ADCY3: variants seen among roughly 807,000 people sequenced by gnomAD.
ADCY3 encodes adenylate cyclase 3.
A neutral mutation model predicts 119.4 loss-of-function variants in ADCY3; 70 were observed. The observed-to-expected ratio is 0.59, with a 90% CI of 0.48 to 0.72. ADCY3 has a LOEUF of 0.72. Ranked by LOEUF, ADCY3 falls within the 30% of genes least tolerant of loss-of-function variation. The pLI is 0.00. For synonymous variants in ADCY3, 672 were observed against 621.4 expected, an observed-to-expected ratio of 1.08 and a Z score of -1.21; for missense variants, 1,238 against 1,541.6, an observed-to-expected ratio of 0.80 and a Z score of 3.30.
chr2:24,910,661 C>CTTTTTTTTTTTTTTT (rs59644324), intron 2 of ADCY3, among the ~76,000 whole-genome samples: 2 of 131,456 alleles, frequency 1.5e-5, no homozygotes, highest in Admixed American at 7.4e-5. Context: ...CTTTTCTTTT[C>CTTTTTTTTTTTTTTT]TTTTTTTTTT....
At chr2:24,915,197 A>C (rs1175633665) in intron 2 of ADCY3, among the ~76,000 whole-genome samples, 1 of 152,198 alleles carries the variant, frequency 6.6e-6, no homozygotes, top group Non-Finnish European at 1.5e-5. Context: ...GTCTATTTCG[A>C]ACTGGGAAAC....
intron 2 of ADCY3, among the ~76,000 whole-genome samples, chr2:24,907,875 TC>T (rs1350182815): frequency 6.6e-6 from 1 of 151,272 alleles, no homozygotes; most frequent in Admixed American, 6.6e-5. Flanking sequence ...GCTCCTGTAA[TC>T]CCAGCTACTT....
At position 24,918,048 on chromosome 2, in the gene ADCY3, G is replaced by A. The variant is rs1218185820; in HGVS notation, c.675+265C>T. ...AGACCAGCCCTGGGTGGGCCTTCCT[G>A]TCACACACTTAGACTGGGCACAGGT... On this transcript the variant is annotated intron_variant, in intron 2 of 21. Transcript: ENST00000679454. The surrounding 1 kb of genome is among the most constrained non-coding windows in gnomAD (Gnocchi z 5.4). Among the ~76,000 whole-genome samples the A allele has an allele frequency of 1.3e-5, 2 of 152,166 alleles. No homozygotes were observed. The highest frequency in any genetic ancestry group is 2.9e-5 in the Non-Finnish European group (2 of 68,034).
chr2:24,834,868 C>T lies in ADCY3; in HGVS notation c.1731G>A (p.Val577=), dbSNP rs1213260269. 12 of 1,613,766 alleles carry T rather than the reference C, an allele frequency of 7.4e-6. No homozygotes were observed. The highest frequency in any genetic ancestry group is 9.3e-6 in the Non-Finnish European group (11 of 1,179,998). ...LRLQDLADRV[V]DASEDEHELN... ...GCTCGTGCTCATCTTCAGAGGCATC[C>T]ACCACTCGGTCAGCCAGGTCCTGCA... The change falls in exon 10 of 22, where the codon GTG becomes GTA. Residue 577 remains valine (V), a synonymous_variant. Transcript: ENST00000679454. This position sits in a 1 kb window ranked among gnomAD's most constrained non-coding sequence, Gnocchi z 4.2.
intron 2 of ADCY3, among the ~76,000 whole-genome samples, chr2:24,877,407 G>A (rs1289964423): frequency 6.6e-6 from 1 of 152,152 alleles, no homozygotes; most frequent in Non-Finnish European, 1.5e-5. Context: ...GCCTTCCAGT[G>A]AGCATCCCCT....
intron 21 of ADCY3, 174 bp downstream of exon 21, chr2:24,820,550 C>T (rs1189094560): frequency 1.4e-6 from 2 of 1,410,010 alleles, no homozygotes; most frequent in Middle Eastern, 2.0e-4. Flanking sequence ...GGAAGTGTTT[C>T]TTCCTGTGCT....
In ADCY3 at chr2:24,824,422, C is replaced by T. The variant is rs1368888496; in HGVS notation, c.2692G>A (p.Glu898Lys). ...NEALVTNMLP[E>K]HVARHFLGSK... ...CCCAGGAAATGGCGTGCCACGTGCT[C>T]AGGCAACATGTTGGTGACCAAGGCC... The change falls in exon 17 of 22, where the codon GAG becomes AAG. Residue 898 changes from glutamate (E) to lysine (K), a missense_variant. Coordinates refer to ENST00000679454, the MANE Select transcript of ADCY3 (RefSeq NM_004036.5). 2.5e-6 allele frequency: 4 copies of T among 1,614,234 alleles called. No homozygotes were observed. Among genetic ancestry groups the T allele is most frequent in the Admixed American group, 1.7e-5 (1 of 60,024 alleles).
At chr2:24,889,989 G>C (rs1029140996) in intron 2 of ADCY3, among the ~76,000 whole-genome samples, 1 of 152,222 alleles carries the variant, frequency 6.6e-6, no homozygotes, top group Non-Finnish European at 1.5e-5. Context: ...TCAGGTTGAA[G>C]AAATTATCTT....
rs78061613 is a variant in ADCY3 at position 24,819,600 on chromosome 2, C to T, written c.*332G>A. On this transcript the variant is annotated 3_prime_UTR_variant, in exon 22 of 22. Transcript: ENST00000679454. The stretch of plus-strand genomic sequence containing the variant: ...CCCTCCACAGTCCCGGAAAGCCCAG[C>T]GGCAAAGGCAGCTTTGTCCCAGCTC... 0.01 allele frequency: 2,123 copies of T among 207,498 alleles called. 50 individuals carry two copies. The highest frequency in any genetic ancestry group is 0.046 in the African/African-American group (2,003 of 43,264). The allele number at this position is 207,498 out of a possible 1,614,324, so 12.9% of individuals were successfully genotyped here.
intron 9 of ADCY3, among the ~76,000 whole-genome samples, chr2:24,836,541 G>A (rs1572844171): frequency 6.6e-6 from 1 of 152,228 alleles, no homozygotes. Context: ...AACTTGTGGG[G>A]CTTGAACCTA....
chr2:24,839,172 C>A (rs938796245), intron 7 of ADCY3, among the ~76,000 whole-genome samples: 3 of 152,114 alleles, frequency 2.0e-5, no homozygotes, highest in Admixed American at 2.0e-4. Context: ...AAACTCTTGA[C>A]CTCAGGTGAT....
intron 2 of ADCY3, among the ~76,000 whole-genome samples, chr2:24,882,332 T>C (rs546465707): frequency 6.6e-6 from 1 of 152,326 alleles, no homozygotes; most frequent in East Asian, 1.9e-4. Flanking sequence ...GGACTAGGCT[T>C]TGGAGGAGTT....
At chr2:24,908,434 C>A (rs1290690246) in intron 2 of ADCY3, among the ~76,000 whole-genome samples, 1 of 152,156 alleles carries the variant, frequency 6.6e-6, no homozygotes, top group Non-Finnish European at 1.5e-5. Flanking sequence ...TAACAATAAT[C>A]CTTTCACAAT....
intron 6 of ADCY3, 102 bp from the exon 7 acceptor site, chr2:24,840,133 CCACAA>C: frequency 6.8e-7 from 1 of 1,464,990 alleles, no homozygotes; most frequent in Non-Finnish European, 9.2e-7. Context: ...CTCTTCCCCT[CCACAA>C]GAGGGGGCCT....
intron 11 of ADCY3, among the ~76,000 whole-genome samples, chr2:24,833,530 G>A (rs1414367869): frequency 1.3e-5 from 2 of 152,146 alleles, no homozygotes; most frequent in East Asian, 1.9e-4. Context: ...TCCCTTCCTT[G>A]CCTTCCCTGT....
chr2:24,889,450 T>C (rs567040509), intron 2 of ADCY3, among the ~76,000 whole-genome samples: 1 of 152,368 alleles, frequency 6.6e-6, no homozygotes, highest in African/African-American at 2.4e-5. Flanking sequence ...CAAAAACATA[T>C]GGCAGGTACT....
rs1169221415 is a variant in ADCY3, at chr2:24,906,139, T to C, written c.675+12174A>G. ...CTGGCCAACATGGTGAAACCCCGTCTCTACTAAAACTACAAAAACTAGCCA... is the reference window on the plus strand; with the variant it reads ...CTGGCCAACATGGTGAAACCCCGTCCCTACTAAAACTACAAAAACTAGCCA... On this transcript the variant is annotated intron_variant, in intron 2 of 21. Coordinates refer to ENST00000679454, the MANE Select transcript of ADCY3 (RefSeq NM_004036.5). Among the ~76,000 whole-genome samples, 7 of 152,098 alleles carry C rather than the reference T, an allele frequency of 4.6e-5. No homozygotes were observed. In the East Asian group the frequency reaches 1.4e-3, roughly 29 times the overall value.
intron 2 of ADCY3, among the ~76,000 whole-genome samples, chr2:24,875,008 C>T (rs552710428): frequency 3.3e-5 from 5 of 152,280 alleles, no homozygotes; most frequent in African/African-American, 9.6e-5. Flanking sequence ...GGCTGCACAG[C>T]AGGTCTTAGG....
Position 24,830,893 on chromosome 2 carries a change from G to A in ADCY3, c.2056-68C>T, listed in dbSNP as rs539768197. 1.7e-4 allele frequency: 209 copies of A among 1,245,726 alleles called. 1 individual carries two copies. In the South Asian group the frequency reaches 2.4e-3, roughly 14 times the overall value. The allele number at this position is 1,245,726 out of a possible 1,614,324, so 77.2% of individuals were successfully genotyped here. ...CCTTTCTCCTGCGACGTGACTGACA[G>A]CAACTCAGGCTGGTCCCGTATTCCA... is the stretch of plus-strand genomic sequence containing the variant. On this transcript the variant is annotated intron_variant, in intron 12 of 21. Transcript: ENST00000679454.
Sources: allele counts gnomAD v4.1 joint callset (sites outside exome capture counted in the v4.1 genomes callset), GRCh38; gene constraint gnomAD v4.1.1; non-coding constraint Gnocchi (gnomAD v3.1); transcripts MANE v1.5; gene names NCBI Gene and HGNC (gene_info 2026-07-23, HGNC 2026-07-21).